Variants in SCAPER observed in about 807,000 individuals in gnomAD.
SCAPER encodes S-phase cyclin A associated protein in the ER.
A neutral mutation model predicts 182.2 loss-of-function variants in SCAPER; 98 were observed. The ratio of observed to expected loss-of-function variants is 0.54; its 90% CI spans 0.46 to 0.64. The LOEUF is 0.64. SCAPER is among the 30% of genes least tolerant of loss of function. SCAPER has a pLI of 0.00. For missense variants in SCAPER, 1,432 were observed against 1,690.0 expected, an observed-to-expected ratio of 0.85 and a Z score of 2.68; for synonymous variants, 605 against 564.6, an observed-to-expected ratio of 1.07 and a Z score of -1.01.
rs138803811 is a variant in SCAPER at position 76,613,579 on chromosome 15, G to A, written c.2711+8185C>T. Among the ~76,000 whole-genome samples, 603 of 152,058 alleles carry A rather than the reference G, an allele frequency of 4.0e-3. 6 individuals are homozygous for A. Among genetic ancestry groups the A allele is most frequent in the African/African-American group, 0.012 (514 of 41,506 alleles). On this transcript the variant is annotated intron_variant, in intron 22 of 31. Transcript: ENST00000563290. ...TTAAATTTACAAGAAAAAACAACCC[G>A]ATTAAAAAGTGGGCAAAGGATATGA...
chr15:76,756,222 C>T (rs544600263), intron 14 of SCAPER, among the ~76,000 whole-genome samples: 69 of 114,178 alleles, frequency 6.0e-4, no homozygotes, highest in African/African-American at 2.3e-3. Context: ...CCAGCCTGGG[C>T]GACAGAGCCA....
At chr15:76,864,044 T>C (rs542015971) in intron 2 of SCAPER, among the ~76,000 whole-genome samples, 1 of 152,258 alleles carries the variant, frequency 6.6e-6, no homozygotes, top group African/African-American at 2.4e-5. Flanking sequence ...ACTGCTGCCA[T>C]GCCAGTACCC....
At chr15:76,824,464 C>G (rs2067830074) in intron 5 of SCAPER, among the ~76,000 whole-genome samples, 2 of 152,112 alleles carry the variant, frequency 1.3e-5, no homozygotes, top group Non-Finnish European at 2.9e-5. Context: ...GGAGTACTCC[C>G]ATAGTGATAA....
chr15:76,549,171 T>G (rs1229657529), intron 23 of SCAPER, among the ~76,000 whole-genome samples: 2 of 151,504 alleles, frequency 1.3e-5, no homozygotes, highest in Non-Finnish European at 3.0e-5. Context: ...AAGACATTGA[T>G]GCAAAACCAT....
chr15:76,711,788 GT>G (rs968259967), intron 17 of SCAPER, among the ~76,000 whole-genome samples: 1 of 151,938 alleles, frequency 6.6e-6, no homozygotes, highest in African/African-American at 2.4e-5. Context: ...GGGGTTGTTT[GT>G]TTTTTTCCTG....
rs147801138 is a variant in SCAPER, at chr15:76,453,938, C to T, written c.3078+17274G>A. On this transcript the variant is annotated intron_variant, in intron 25 of 31. Transcript: ENST00000563290. ...ATCTGTGTCTATTTAAAATACAGGG[C>T]ATTATTTTCCAATATGTAGTAGTAC... Among the ~76,000 whole-genome samples, 778 of 152,248 alleles carry T rather than the reference C, an allele frequency of 5.1e-3. 6 individuals carry two copies. Among genetic ancestry groups the T allele is most frequent in the Admixed American group, 0.016 (237 of 15,286 alleles).
chr15:76,398,557 C>T (rs942009448), intron 27 of SCAPER, among the ~76,000 whole-genome samples: 11 of 152,196 alleles, frequency 7.2e-5, no homozygotes, highest in African/African-American at 2.7e-4. Context: ...AAATGGTTTT[C>T]AAGCACCCTT....
intron 17 of SCAPER, among the ~76,000 whole-genome samples, chr15:76,713,233 C>T (rs111749472): frequency 6.6e-6 from 1 of 151,674 alleles, no homozygotes; most frequent in Non-Finnish European, 1.5e-5. Context: ...ATTCCTCAGG[C>T]ATCTAGAACT....
intron 26 of SCAPER, among the ~76,000 whole-genome samples, chr15:76,432,225 T>C (rs2046918293): frequency 2.0e-5 from 3 of 152,060 alleles, no homozygotes; most frequent in Non-Finnish European, 4.4e-5. Context: ...CAAAAGGACA[T>C]GGGGAATTGA....
intron 8 of SCAPER, among the ~76,000 whole-genome samples, chr15:76,790,070 A>T (rs979219090): frequency 6.6e-6 from 1 of 152,086 alleles, no homozygotes; most frequent in African/African-American, 2.4e-5. Context: ...CTACTAAAAA[A>T]TATAAAAAAA....
At chr15:76,704,801 A>G (rs577704639) in intron 18 of SCAPER, among the ~76,000 whole-genome samples, 1 of 152,234 alleles carries the variant, frequency 6.6e-6, no homozygotes, top group Non-Finnish European at 1.5e-5. Flanking sequence ...AAAAATGCTC[A>G]TCATCACTCT....
chr15:76,429,035 C>T (rs978349096), intron 26 of SCAPER, among the ~76,000 whole-genome samples: 12 of 151,492 alleles, frequency 7.9e-5, no homozygotes, highest in Non-Finnish European at 1.0e-4. Flanking sequence ...AGGTCTTTCC[C>T]GTGCTGTTCT....
rs535667014 is a variant in SCAPER, at chr15:76,624,926, A to G, written c.2646-3097T>C. Among the ~76,000 whole-genome samples, 8 of 152,278 alleles carry G rather than the reference A, an allele frequency of 5.3e-5. No homozygotes were observed. The East Asian group carries it at 1.5e-3, about 29-fold the overall frequency. On this transcript the variant is annotated intron_variant, in intron 21 of 31. Coordinates refer to ENST00000563290, the MANE Select transcript of SCAPER (RefSeq NM_020843.4). ...TAGCATTGGCAGGAATAACCTCTGGATCCCAAATAGTTCACTCTCATGTTG... is the reference window on the plus strand; with the variant it reads ...TAGCATTGGCAGGAATAACCTCTGGGTCCCAAATAGTTCACTCTCATGTTG...
intron 1 of SCAPER, among the ~76,000 whole-genome samples, chr15:76,885,624 C>T (rs776815447): frequency 2.0e-5 from 3 of 152,164 alleles, no homozygotes; most frequent in Non-Finnish European, 2.9e-5. Flanking sequence ...GCTGGGACTA[C>T]AGGTGCACAC....
chr15:76,853,949 TAAAC>T (rs990700918), intron 4 of SCAPER, among the ~76,000 whole-genome samples: 1 of 151,952 alleles, frequency 6.6e-6, no homozygotes. Context: ...CCTTAGCTGA[TAAAC>T]AACTTCAGCA....
At chr15:76,728,445 G>C in intron 17 of SCAPER, 150 bp downstream of exon 17, 1 of 944,370 alleles carries the variant, frequency 1.1e-6, no homozygotes, top group Non-Finnish European at 1.6e-6. Context: ...GAGGTGGGAG[G>C]ATCACTTGAG....
At chr15:76,902,860 C>A (rs1345107744) in intron 1 of SCAPER, among the ~76,000 whole-genome samples, 6 of 152,034 alleles carry the variant, frequency 3.9e-5, no homozygotes. Flanking sequence ...AGTTTGAGAC[C>A]AGCATGGCCA....
intron 23 of SCAPER, among the ~76,000 whole-genome samples, chr15:76,560,778 G>A (rs2046555874): frequency 6.6e-6 from 1 of 152,122 alleles, no homozygotes; most frequent in East Asian, 1.9e-4. Flanking sequence ...GAATTCCCAG[G>A]GATGCAGTGC....
At chr15:76,579,703 G>A (rs549680526) in intron 22 of SCAPER, among the ~76,000 whole-genome samples, 2 of 152,106 alleles carry the variant, frequency 1.3e-5, no homozygotes, top group Admixed American at 6.5e-5. Context: ...AATGGAATAA[G>A]CTCTCCAATC....
Sources: gnomAD v4.1 joint callset for allele counts (sites outside exome capture counted in the v4.1 genomes callset) on GRCh38, gnomAD v4.1.1 for gene constraint, MANE v1.5 for transcripts, NCBI Gene and HGNC (gene_info 2026-07-23, HGNC 2026-07-21) for gene names.